GPA33: variants seen among roughly 807,000 people sequenced by gnomAD.
The protein encoded by GPA33 is cell surface A33 antigen.
A neutral mutation model predicts 35.6 loss-of-function variants in GPA33; 27 were observed. The ratio of observed to expected loss-of-function variants is 0.76; its 90% CI spans 0.56 to 1.04. GPA33 has a LOEUF of 1.04. GPA33 is among the 50% of genes least tolerant of loss of function. The pLI is 0.00. For synonymous variants in GPA33, 176 were observed against 164.0 expected, an observed-to-expected ratio of 1.07 and a Z score of -0.56; for missense variants, 428 against 411.9, an observed-to-expected ratio of 1.04 and a Z score of -0.34.
chr1:167,085,562 T>C (rs935941937), intron 1 of GPA33, among the ~76,000 whole-genome samples: 2 of 152,202 alleles, frequency 1.3e-5, no homozygotes, highest in African/African-American at 4.8e-5. Context: ...TCTCAGACTC[T>C]GGTCCCTGGA....
intron 5 of GPA33, 100 bp from the exon 6 acceptor site, chr1:167,055,211 C>G (rs56113143): frequency 0.13 from 147,612 of 1,128,042 alleles, 11,069 homozygotes; most frequent in Non-Finnish European, 0.15. Context: ...TGGTAACACT[C>G]CATGAAAGGC....
At chr1:167,057,192 C>T (rs1224571747) in intron 4 of GPA33, among the ~76,000 whole-genome samples, 2 of 152,062 alleles carry the variant, frequency 1.3e-5, no homozygotes, top group African/African-American at 2.4e-5. Context: ...GGAGTGAAAA[C>T]ACCTGATCCT....
Position 167,063,724 on chromosome 1 carries a change from TTTGGAGGG to T in GPA33, c.421_428del (p.Pro141ThrfsTer73), listed in dbSNP as rs1256247814. 1.2e-6 allele frequency: 2 copies of T among 1,612,822 alleles called. No individual in the cohort carries two copies. The highest frequency in any genetic ancestry group is 1.7e-6 in the Non-Finnish European group (2 of 1,179,958). ...TCTCTCCCTCGATGCCGCATTCTGG[TTTGGAGGG>T]TGGCACTATATAGAGGAGAGACCAA... On this transcript the variant is annotated frameshift_variant, in exon 4 of 7. Coordinates refer to ENST00000367868, the MANE Select transcript of GPA33 (RefSeq NM_005814.3). LOFTEE classifies it high-confidence loss of function.
In GPA33 at chr1:167,083,951, T is replaced by C. The variant is rs568249964; in HGVS notation, c.43+6294A>G. Among the ~76,000 whole-genome samples the C allele has an allele frequency of 3.9e-5, 6 of 152,222 alleles. No individual in the cohort carries two copies. In the South Asian group the frequency reaches 1.2e-3, roughly 32 times the overall value. ...AAGTAAAAACAGCATCCTTGTCTCATCCAAGTAGTTGAGGACAAATCCTGC... is the reference window on the plus strand; with the variant it reads ...AAGTAAAAACAGCATCCTTGTCTCACCCAAGTAGTTGAGGACAAATCCTGC... On this transcript the variant is annotated intron_variant, in intron 1 of 6. Transcript: ENST00000367868.
intron 1 of GPA33, among the ~76,000 whole-genome samples, chr1:167,088,603 G>T (rs1297785206): frequency 2.0e-5 from 3 of 152,190 alleles, no homozygotes; most frequent in Admixed American, 1.3e-4. Flanking sequence ...TTCCCCAGGG[G>T]TCACTTGCCT....
intron 4 of GPA33, among the ~76,000 whole-genome samples, chr1:167,059,532 C>G (rs909270067): frequency 9.2e-5 from 14 of 152,010 alleles, no homozygotes; most frequent in African/African-American, 3.4e-4. Context: ...TGCCACCTCT[C>G]TCTCACAAAG....
At position 167,068,941 on chromosome 1, in the gene GPA33, A is replaced by T. The variant is rs750043126; in HGVS notation, c.396T>A (p.Arg132=). ...MSDLEGNTKS[R]VRLLVLVPPS... ...ACTCACCGAGGACCAACAGGCGGACACGTGACTTGGTGTTGCCCTCCAGGT... is the reference window on the plus strand; with the variant it reads ...ACTCACCGAGGACCAACAGGCGGACTCGTGACTTGGTGTTGCCCTCCAGGT... Residue 132 remains arginine (R), a synonymous_variant, in exon 3 of 7, where the codon CGT becomes CGA. Transcript: ENST00000367868. 5 of 1,612,978 alleles carry T rather than the reference A, an allele frequency of 3.1e-6. No homozygotes were observed. In the South Asian group the frequency reaches 5.5e-5, roughly 18 times the overall value.
chr1:167,070,910 C>T (rs147877662), intron 2 of GPA33, among the ~76,000 whole-genome samples: 211 of 152,056 alleles, frequency 1.4e-3, no homozygotes, highest in Middle Eastern at 0.01. Flanking sequence ...ATGTCATTTC[C>T]AAGAGAGGAA....
At chr1:167,073,348 C>T (rs1456545383) in intron 2 of GPA33, 37 bp downstream of exon 2, 4 of 1,581,136 alleles carry the variant, frequency 2.5e-6, no homozygotes, top group Non-Finnish European at 3.5e-6. Context: ...AGGTGATAAT[C>T]ATTCCCATGT....
At chr1:167,073,609 A>C in intron 1 of GPA33, 70 bp from the exon 2 acceptor site, 1 of 1,297,620 alleles carries the variant, frequency 7.7e-7, no homozygotes, top group Non-Finnish European at 1.1e-6. Flanking sequence ...CACTGCCCAC[A>C]GGACCACTGA....
chr1:167,086,576 C>T (rs909190408), intron 1 of GPA33, among the ~76,000 whole-genome samples: 5 of 152,124 alleles, frequency 3.3e-5, no homozygotes, highest in African/African-American at 1.2e-4. Flanking sequence ...AAGTGTAGGG[C>T]ACCACATTTA....
intron 4 of GPA33, among the ~76,000 whole-genome samples, chr1:167,061,838 G>A (rs1378801716): frequency 1.3e-5 from 2 of 152,030 alleles, no homozygotes; most frequent in African/African-American, 4.8e-5. Flanking sequence ...TCCTGACCTC[G>A]TGATCCGCCT....
chr1:167,073,116 G>A (rs1056735644), intron 2 of GPA33, among the ~76,000 whole-genome samples: 6 of 152,050 alleles, frequency 3.9e-5, no homozygotes, highest in African/African-American at 1.4e-4. Context: ...TAATCAAAAG[G>A]AGTGACTGAC....
chr1:167,089,044 A>G (rs986847274), intron 1 of GPA33, among the ~76,000 whole-genome samples: 1 of 152,222 alleles, frequency 6.6e-6, no homozygotes, highest in Non-Finnish European at 1.5e-5. Flanking sequence ...CAACCAGTCC[A>G]TCTTGGTGGA....
intron 1 of GPA33, among the ~76,000 whole-genome samples, chr1:167,076,236 G>T (rs1666820856): frequency 6.6e-6 from 1 of 152,168 alleles, no homozygotes; most frequent in Non-Finnish European, 1.5e-5. Context: ...AATGGGGACA[G>T]AAATGATGTC....
intron 2 of GPA33, among the ~76,000 whole-genome samples, chr1:167,072,120 C>G (rs1237157843): frequency 6.8e-6 from 1 of 147,796 alleles, no homozygotes; most frequent in African/African-American, 2.6e-5. Flanking sequence ...TGCGTCTGAC[C>G]AAGACTTGCT....
In GPA33 at chr1:167,061,691, C is replaced by T. The variant is rs989248199; in HGVS notation, c.571+1891G>A. Among the ~76,000 whole-genome samples the T allele has an allele frequency of 2.0e-5, 3 of 149,820 alleles. No homozygotes were observed. The Admixed American group carries it at 2.0e-4, about 10-fold the overall frequency. On this transcript the variant is annotated intron_variant, in intron 4 of 6. Transcript: ENST00000367868. ...GATCTCGGCTCACTGCAAGCTCCGC[C>T]TCCCAGGTTCACGCCATTCTCCTAC...
chr1:167,069,552 T>A (rs1666674680), intron 2 of GPA33, among the ~76,000 whole-genome samples: 1 of 152,236 alleles, frequency 6.6e-6, no homozygotes, highest in South Asian at 2.1e-4. Flanking sequence ...GCAGCCAGCC[T>A]TGGCTGCCAA....
At chr1:167,079,185 A>C (rs1666878304) in intron 1 of GPA33, among the ~76,000 whole-genome samples, 1 of 152,156 alleles carries the variant, frequency 6.6e-6, no homozygotes, top group Non-Finnish European at 1.5e-5. Flanking sequence ...TGAATGAATA[A>C]GAAAGAGCTC....
Sources: allele counts gnomAD v4.1 joint callset (sites outside exome capture counted in the v4.1 genomes callset), GRCh38; gene constraint gnomAD v4.1.1; transcripts MANE v1.5; gene names NCBI Gene and HGNC (gene_info 2026-07-23, HGNC 2026-07-21).